Variants in PELI1 observed in about 807,000 individuals in gnomAD.
The protein encoded by PELI1 is pellino E3 ubiquitin protein ligase 1.
In PELI1, 15 loss-of-function variants were observed where a neutral mutation model predicts 41.3. The ratio of observed to expected loss-of-function variants is 0.36; its 90% CI spans 0.24 to 0.56. PELI1 has a LOEUF of 0.56. Among genes scored for constraint, PELI1 ranks in the 20% least tolerant of loss-of-function variants. The pLI is 0.82. For missense variants in PELI1, 403 were observed against 525.5 expected (o/e 0.77, Z 2.28); for synonymous variants, 178 against 180.1 (o/e 0.99, Z 0.09).
At chr2:64,102,118 C>T (rs934422059) in intron 3 of PELI1, among the ~76,000 whole-genome samples, 2 of 152,120 alleles carry the variant, frequency 1.3e-5, no homozygotes, top group Non-Finnish European at 2.9e-5. Flanking sequence ...AGCCATTGTG[C>T]CTGGCCTGCG....
chr2:64,104,502 A>AT (rs369797397), intron 3 of PELI1, 199 bp downstream of exon 3: 3,498 of 709,922 alleles, frequency 4.9e-3, no homozygotes, highest in South Asian at 6.5e-3. Context: ...CTGGTTTGTC[A>AT]TTTTTTTTTT....
intron 2 of PELI1, among the ~76,000 whole-genome samples, chr2:64,105,430 C>T (rs530485999): frequency 6.6e-6 from 1 of 152,190 alleles, no homozygotes; most frequent in South Asian, 2.1e-4. Flanking sequence ...TTCTCCATAA[C>T]ATGTACACAT....
chr2:64,120,671 T>C (rs948729522), intron 1 of PELI1, among the ~76,000 whole-genome samples: 1 of 152,228 alleles, frequency 6.6e-6, no homozygotes, highest in Non-Finnish European at 1.5e-5. Context: ...CTTAATTCAA[T>C]TACACTATAC....
chr2:64,133,845 A>G (rs1681635696), intron 1 of PELI1, among the ~76,000 whole-genome samples: 1 of 152,056 alleles, frequency 6.6e-6, no homozygotes, highest in African/African-American at 2.4e-5. Context: ...GCATTATAGG[A>G]TTTATAATCC....
chr2:64,105,560 C>T (rs1211547193), intron 2 of PELI1, among the ~76,000 whole-genome samples: 3 of 152,148 alleles, frequency 2.0e-5, no homozygotes, highest in African/African-American at 7.2e-5. Flanking sequence ...TGAATGCTAT[C>T]CCATACACAT....
At position 64,094,802 on chromosome 2, in the gene PELI1, T is replaced by C. The variant is rs150072455; in HGVS notation, c.1157A>G (p.His386Arg). Reference sequence around the variant, plus strand: ...GGCTGCATGAAAAGTATGAGTACCATGAGGAAGTGGGATCTGGGACCAATA... The same window carrying C: ...GGCTGCATGAAAAGTATGAGTACCACGAGGAAGTGGGATCTGGGACCAATA... The part of the protein sequence containing the change: ...TAYWSQIPLP[H>R]GTHTFHAACP... Residue 386 changes from histidine to arginine, a missense_variant, in exon 7 of 7, where the codon CAT becomes CGT. Transcript: ENST00000358912. 34 of 1,614,104 alleles carry C rather than the reference T, an allele frequency of 2.1e-5. No homozygotes were observed. Among genetic ancestry groups the C allele is most frequent in the Non-Finnish European group, 2.8e-5 (33 of 1,179,970 alleles).
rs1363242671 is a variant in PELI1 at position 64,093,521 on chromosome 2, A to C, written c.*1181T>G. On this transcript the variant is annotated 3_prime_UTR_variant, in exon 7 of 7. Coordinates refer to ENST00000358912, the MANE Select transcript of PELI1 (RefSeq NM_020651.4). ...GACATATTGGAATTAGAGAATAAAC[A>C]GACCATGCAGTGCGTCACTCCACGC... The C allele has an allele frequency of 2.6e-5, 4 of 152,628 alleles. No individual in the cohort carries two copies. The allele number at this position is 152,628 out of a possible 1,614,324, so 9.5% of individuals were successfully genotyped here. A position where few individuals can be genotyped will look rare whatever the true frequency, so the allele number is the denominator to read the frequency against.
chr2:64,133,455 A>G (rs1365158930), intron 1 of PELI1, among the ~76,000 whole-genome samples: 2 of 152,094 alleles, frequency 1.3e-5, no homozygotes, highest in African/African-American at 4.8e-5. Flanking sequence ...GCAATTATAT[A>G]TATAGTTTCT....
intron 1 of PELI1, among the ~76,000 whole-genome samples, chr2:64,108,854 G>A (rs1680706817): frequency 6.6e-6 from 1 of 152,180 alleles, no homozygotes; most frequent in African/African-American, 2.4e-5. Flanking sequence ...ACAAAAGCTT[G>A]CTCTCTCTAG....
At chr2:64,131,633 T>C (rs540247377) in intron 1 of PELI1, among the ~76,000 whole-genome samples, 1 of 151,490 alleles carries the variant, frequency 6.6e-6, no homozygotes, top group South Asian at 2.1e-4. Context: ...TTTTTTTTTT[T>C]AAATTGAGAC....
intron 4 of PELI1, among the ~76,000 whole-genome samples, chr2:64,097,767 C>A (rs1173446350): frequency 2.0e-5 from 3 of 152,168 alleles, no homozygotes; most frequent in Non-Finnish European, 4.4e-5. Context: ...CCTCAAGTTC[C>A]TCATATCGGC....
At chr2:64,114,586 A>C (rs1369037560) in intron 1 of PELI1, among the ~76,000 whole-genome samples, 1 of 152,224 alleles carries the variant, frequency 6.6e-6, no homozygotes. Flanking sequence ...GCATGCTGAT[A>C]GTATATCACC....
intron 6 of PELI1, among the ~76,000 whole-genome samples, chr2:64,095,549 G>C (rs143612281): frequency 1.4e-3 from 209 of 152,320 alleles, no homozygotes; most frequent in Non-Finnish European, 2.3e-3. Flanking sequence ...GGTAAATATG[G>C]TTTAAGATAT....
chr2:64,110,928 A>ATATATAT (rs1680788877), intron 1 of PELI1, among the ~76,000 whole-genome samples: 3 of 149,296 alleles, frequency 2.0e-5, no homozygotes, highest in South Asian at 2.1e-4. Context: ...TCCATTTCAA[A>ATATATAT]ATATATATAT....
At chr2:64,133,783 A>C (rs1156801911) in intron 1 of PELI1, among the ~76,000 whole-genome samples, 1 of 151,882 alleles carries the variant, frequency 6.6e-6, no homozygotes, top group Non-Finnish European at 1.5e-5. Flanking sequence ...GATAATAAAA[A>C]CCAAACCAAT....
intron 1 of PELI1, among the ~76,000 whole-genome samples, chr2:64,112,136 T>C (rs1680825751): frequency 6.6e-6 from 1 of 152,202 alleles, no homozygotes; most frequent in Non-Finnish European, 1.5e-5. Flanking sequence ...ATTTAAATTG[T>C]ATTAAATAGA....
At chr2:64,127,903 TC>T (rs1450092020) in intron 1 of PELI1, among the ~76,000 whole-genome samples, 2 of 152,322 alleles carry the variant, frequency 1.3e-5, no homozygotes, top group African/African-American at 2.4e-5. Flanking sequence ...GTTTATCTAT[TC>T]TTTTTCCAAT....
At chr2:64,108,156 CAAA>C in intron 2 of PELI1, 81 bp downstream of exon 2, 1 of 641,660 alleles carries the variant, frequency 1.6e-6, no homozygotes. Context: ...ATATAAATTC[CAAA>C]AAAAAAAGTA....
At chr2:64,098,517 A>G (rs900651573) in intron 4 of PELI1, among the ~76,000 whole-genome samples, 1 of 152,090 alleles carries the variant, frequency 6.6e-6, no homozygotes, top group Non-Finnish European at 1.5e-5. Flanking sequence ...GCTGGCAAAA[A>G]TCCTACTTAA....
Sources: allele counts gnomAD v4.1 joint callset (sites outside exome capture counted in the v4.1 genomes callset), GRCh38; gene constraint gnomAD v4.1.1; transcripts MANE v1.5; gene names NCBI Gene and HGNC (gene_info 2026-07-23, HGNC 2026-07-21).